The following GPD2 variants were observed in gnomAD, a reference collection of about 807,000 sequenced individuals.
GPD2 encodes the protein glycerol-3-phosphate dehydrogenase 2, also known as glycerol-3-phosphate dehydrogenase, mitochondrial.
A neutral mutation model predicts 82.4 loss-of-function variants in GPD2; 54 were observed. The ratio of observed to expected loss-of-function variants is 0.66; its 90% CI spans 0.53 to 0.82. GPD2 has a LOEUF of 0.82. GPD2 is among the 40% of genes least tolerant of loss of function. GPD2 has a pLI of 0.00. For synonymous variants in GPD2, 288 were observed against 306.1 expected (o/e 0.94, Z 0.62); for missense variants, 748 against 896.2 (o/e 0.83, Z 2.11).
At chr2:156,582,722 C>G in intron 16 of GPD2, 71 bp from the exon 17 acceptor site, 1 of 1,542,718 alleles carries the variant, frequency 6.5e-7, no homozygotes, top group South Asian at 1.1e-5. Context: ...GCAATTCTAA[C>G]GATTATGATG....
chr2:156,425,858 A>AAAGCATAT, the GPD2 span, among the ~76,000 whole-genome samples: 1 of 152,192 alleles, frequency 6.6e-6, no homozygotes, highest in Non-Finnish European at 1.5e-5. Context: ...GTGTGTGATA[A>AAAGCATAT]AAGCATATAC....
the GPD2 span, among the ~76,000 whole-genome samples, chr2:156,415,265 T>A: frequency 6.6e-6 from 1 of 151,202 alleles, no homozygotes; most frequent in African/African-American, 2.4e-5. Flanking sequence ...TTCACGCCGT[T>A]CTCCTGCCTC....
At chr2:156,525,240 A>G (rs1685560172) in intron 6 of GPD2, among the ~76,000 whole-genome samples, 4 of 152,216 alleles carry the variant, frequency 2.6e-5, no homozygotes, top group Admixed American at 2.6e-4. Flanking sequence ...ATTGATGTTC[A>G]TATTGCCCAT....
chr2:156,470,770 C>T (rs1683301479), intron 1 of GPD2, among the ~76,000 whole-genome samples: 1 of 152,120 alleles, frequency 6.6e-6, no homozygotes, highest in Admixed American at 6.5e-5. Flanking sequence ...ATAATGGGAG[C>T]CCTACAAGGA....
intron 8 of GPD2, among the ~76,000 whole-genome samples, chr2:156,555,037 A>G (rs1686909460): frequency 6.6e-6 from 1 of 152,254 alleles, no homozygotes. Context: ...CTATCGCTAT[A>G]GTTGATATCC....
At chr2:156,559,744 A>G (rs558516142) in intron 9 of GPD2, among the ~76,000 whole-genome samples, 1 of 152,312 alleles carries the variant, frequency 6.6e-6, no homozygotes, top group South Asian at 2.1e-4. Flanking sequence ...ATTGAAATCC[A>G]TGTGTGGTTA....
intron 2 of GPD2, among the ~76,000 whole-genome samples, chr2:156,483,107 C>T (rs1180858846): frequency 6.9e-6 from 1 of 145,504 alleles, no homozygotes; most frequent in Admixed American, 6.8e-5. Flanking sequence ...TAAGATTGGA[C>T]AAGAAGCAAA....
At chr2:156,415,357 A>AC in the GPD2 span, among the ~76,000 whole-genome samples, 1 of 151,208 alleles carries the variant, frequency 6.6e-6, no homozygotes, top group South Asian at 2.1e-4. Context: ...ATGGGGTTTC[A>AC]CCATGTTGGC....
At chr2:156,571,648 GT>G (rs1307566681) in intron 13 of GPD2, among the ~76,000 whole-genome samples, 1 of 152,028 alleles carries the variant, frequency 6.6e-6, no homozygotes, top group Non-Finnish European at 1.5e-5. Context: ...AAGAAATGTG[GT>G]TTTTCTGCCT....
chr2:156,526,740 A>G (rs1039528325), intron 6 of GPD2, among the ~76,000 whole-genome samples: 1 of 152,150 alleles, frequency 6.6e-6, no homozygotes, highest in African/African-American at 2.4e-5. Context: ...AATTCGTCTC[A>G]GAGTGATTCT....
chr2:156,528,397 T>C (rs896650626), intron 6 of GPD2, among the ~76,000 whole-genome samples: 1 of 151,664 alleles, frequency 6.6e-6, no homozygotes, highest in African/African-American at 2.4e-5. Context: ...CACTCAATTA[T>C]GTCAATTTTT....
the GPD2 span, among the ~76,000 whole-genome samples, chr2:156,417,283 C>G: frequency 1.3e-5 from 2 of 152,078 alleles, no homozygotes; most frequent in African/African-American, 4.8e-5. Context: ...TCTGCTTTTT[C>G]TTTGATCTCA....
chr2:156,487,700 G>A (rs902045414), intron 2 of GPD2, among the ~76,000 whole-genome samples: 6 of 152,146 alleles, frequency 3.9e-5, no homozygotes, highest in Non-Finnish European at 7.4e-5. Flanking sequence ...GCAACTAATG[G>A]TTCTATTTCT....
intron 6 of GPD2, among the ~76,000 whole-genome samples, chr2:156,544,641 C>T (rs1281815225): frequency 6.6e-6 from 1 of 152,082 alleles, no homozygotes; most frequent in African/African-American, 2.4e-5. Flanking sequence ...TCAGAGAAAC[C>T]AGAAATGGGA....
chr2:156,561,040 CT>C (rs35948070), intron 9 of GPD2, among the ~76,000 whole-genome samples: 24 of 27,624 alleles, frequency 8.7e-4, no homozygotes, highest in South Asian at 2.8e-3. Flanking sequence ...TGACATTAAG[CT>C]TTTTTTTTTT....
chr2:156,550,785 G>T, intron 8 of GPD2, 39 bp downstream of exon 8: 1 of 1,563,794 alleles, frequency 6.4e-7, no homozygotes, highest in Non-Finnish European at 8.8e-7. Context: ...ACCCAAAAAA[G>T]AGGGTCAGCA....
At chr2:156,436,238 C>G (rs933001324), upstream of GPD2, among the ~76,000 whole-genome samples, 1 of 152,230 alleles carries the variant, frequency 6.6e-6, no homozygotes, top group Non-Finnish European at 1.5e-5. Flanking sequence ...CCGAGGTATC[C>G]GGGCAGGAGG....
chr2:156,401,083 C>T, the GPD2 span, among the ~76,000 whole-genome samples: 2 of 152,132 alleles, frequency 1.3e-5, no homozygotes, highest in African/African-American at 2.4e-5. Context: ...GTTTAAAGGC[C>T]CTGTTATTGA....
chr2:156,479,658 G>A (rs1001257792), intron 2 of GPD2, among the ~76,000 whole-genome samples: 1 of 152,136 alleles, frequency 6.6e-6, no homozygotes, highest in Non-Finnish European at 1.5e-5. Flanking sequence ...CAAGGAAGTT[G>A]ATGAGGAAAG....
Sources: gnomAD v4.1 joint callset for allele counts (sites outside exome capture counted in the v4.1 genomes callset) on GRCh38, gnomAD v4.1.1 for gene constraint, MANE v1.5 for transcripts, NCBI Gene and HGNC (gene_info 2026-07-23, HGNC 2026-07-21) for gene names.